Variants in GZMH observed in about 807,000 individuals in gnomAD.
GZMH encodes the protein cathepsin G-like 2, protein h-CCPX.
In GZMH, 24 loss-of-function variants were observed where a neutral mutation model predicts 20.7. The ratio of observed to expected loss-of-function variants is 1.16; its 90% CI spans 0.84 to 1.63. The LOEUF is 1.63. Ranked by LOEUF, GZMH falls within the 40% of genes most tolerant of loss-of-function variation. The pLI is 0.00. For synonymous variants in GZMH, 119 were observed against 116.1 expected (o/e 1.02, Z -0.16); for missense variants, 344 against 302.7 (o/e 1.14, Z -1.01).
Position 24,608,305 on chromosome 14 carries a change from T to C in GZMH, c.163A>G (p.Arg55Gly), listed in dbSNP as rs752228370. The C allele has an allele frequency of 7.4e-6, 12 of 1,614,160 alleles. No homozygotes were observed. In the South Asian group the frequency reaches 1.2e-4, roughly 16 times the overall value. The change falls in exon 2 of 5, where the codon AGA becomes GGA. Residue 55 changes from arginine (R) to glycine (G), a missense_variant. Coordinates refer to ENST00000216338, the MANE Select transcript of GZMH (RefSeq NM_033423.5). ...GCAGCTGTCAGCACAAAGTCCTTTC[T>C]CACTAGGATGCCGCCACACCTCTTC... ...SRKRCGGILVRKDFVLTAAHC... is the reference protein window; with the variant it reads ...SRKRCGGILVGKDFVLTAAHC...
chr14:24,609,571 C>T lies in GZMH; in HGVS notation c.43G>A (p.Gly15Arg), dbSNP rs970216589. Residue 15 changes from glycine to arginine, a missense_variant, in exon 1 of 5, where the codon GGG becomes AGG. Physicochemically the swap from Gly to Arg is moderately radical, Grantham distance 125 (BLOSUM62 -2). Transcript: ENST00000216338. The part of the protein sequence containing the change: ...LLLLAFLLTP[G>R]AGTEEIIGGH... ...GATAGTCACTTACCTGTCCCAGCCC[C>T]AGGGGTCAGAAGAAAGGCCAACAGG... 36 of 1,608,882 alleles carry T rather than the reference C, an allele frequency of 2.2e-5. No individual in the cohort carries two copies. Among genetic ancestry groups the T allele is most frequent in the Non-Finnish European group, 2.6e-5 (31 of 1,177,412 alleles).
chr14:24,608,351 C>A lies in GZMH; in HGVS notation c.117G>T (p.Gln39His), dbSNP rs779776727. 4 of 1,614,250 alleles carry A rather than the reference C, an allele frequency of 2.5e-6. No individual in the cohort carries two copies. Among genetic ancestry groups the A allele is most frequent in the Non-Finnish European group, 3.4e-6 (4 of 1,180,044 alleles). ...PHSRPYMAFV[Q>H]FLQEKSRKRC... The stretch of plus-strand genomic sequence containing the variant: ...TCTTCCGACTCTTCTCTTGCAGAAA[C>A]TGAACAAAGGCCATGTAGGGGCGGG... The change falls in exon 2 of 5, where the codon CAG becomes CAT. Residue 39 changes from glutamine to histidine, a missense_variant. By Grantham distance (24) the Gln-to-His change is conservative. Transcript: ENST00000216338.
chr14:24,607,097 C>T (rs190749747), intron 4 of GZMH, 52 bp downstream of exon 4: 3 of 1,569,632 alleles, frequency 1.9e-6, no homozygotes, highest in East Asian at 4.5e-5. Flanking sequence ...CCAGAACTCC[C>T]TCAAGTTCCT....
Position 24,607,334 on chromosome 14 carries a change from G to A in GZMH, c.412C>T (p.Pro138Ser), listed in dbSNP as rs1217340414. 1.1e-5 allele frequency: 18 copies of A among 1,612,916 alleles called. No homozygotes were observed. The Admixed American group carries it at 2.8e-4, about 25-fold the overall frequency. ...RLPSSKAQVK[P>S]GQLCSVAGWG... is the part of the protein sequence containing the mutation. The stretch of plus-strand genomic sequence containing the variant: ...CCAGCCACACTGCACAGCTGCCCTG[G>A]CTTCACCTGGGCCTTGCTGCTAGGT... The change falls in exon 4 of 5, where the codon CCA (proline) becomes TCA (serine). Residue 138 changes from proline (P) to serine (S), a missense_variant. Physicochemically the swap from Pro to Ser is moderately conservative, Grantham distance 74. Coordinates refer to ENST00000216338, the MANE Select transcript of GZMH (RefSeq NM_033423.5).
intron 1 of GZMH, among the ~76,000 whole-genome samples, chr14:24,609,000 G>A (rs1246427677): frequency 1.3e-5 from 2 of 152,248 alleles, no homozygotes; most frequent in African/African-American, 4.8e-5. Context: ...GGTCAGTGGA[G>A]TAGCTGAGGG....
chr14:24,607,526 G>C, intron 3 of GZMH, 86 bp downstream of exon 3: 1 of 1,607,588 alleles, frequency 6.2e-7, no homozygotes, highest in Non-Finnish European at 8.5e-7. Flanking sequence ...AAGAGGTCAG[G>C]ATGGAAAGGA....
At chr14:24,608,193 G>C (rs1384143330) in intron 2 of GZMH, 72 bp downstream of exon 2, 2 of 1,538,004 alleles carry the variant, frequency 1.3e-6, no homozygotes, top group Non-Finnish European at 1.8e-6. Flanking sequence ...GCTCCCCTGG[G>C]CTGCAGTCCC....
chr14:24,608,463 A>G (rs767792227), intron 1 of GZMH, 51 bp from the exon 2 acceptor site: 12 of 1,605,256 alleles, frequency 7.5e-6, no homozygotes, highest in Non-Finnish European at 1.0e-5. Context: ...TGCAGTCAGG[A>G]GAGAAGGCTT....
At position 24,609,531 on chromosome 14, in the gene GZMH, G is replaced by A. The variant is rs563002956; in HGVS notation, c.55+28C>T. The stretch of plus-strand genomic sequence containing the variant: ...CAGGGTATCTTATAAGATGGGTTCA[G>A]GCCTCTGGAATAGGGATAGTCACTT... On this transcript the variant is annotated intron_variant, in intron 1 of 4. Transcript: ENST00000216338. The A allele has an allele frequency of 3.2e-6, 5 of 1,548,388 alleles. No homozygotes were observed. The South Asian group carries it at 4.6e-5, about 14-fold the overall frequency.
chr14:24,608,425 A>C lies in GZMH; in HGVS notation c.56-13T>G. The C allele has an allele frequency of 6.2e-7, 1 of 1,613,750 alleles. No homozygotes were observed. Among genetic ancestry groups the C allele is most frequent in the Non-Finnish European group, 8.5e-7 (1 of 1,179,786 alleles). Reference sequence around the variant, plus strand: ...CCGATGATCTCCTCTGAAAGGAAAGACTGGAAGATAAAGTAGCTGGGGATG... The same window carrying C: ...CCGATGATCTCCTCTGAAAGGAAAGCCTGGAAGATAAAGTAGCTGGGGATG... On this transcript the variant is annotated splice_polypyrimidine_tract_variant and intron_variant, in intron 1 of 4. Coordinates refer to ENST00000216338, the MANE Select transcript of GZMH (RefSeq NM_033423.5).
chr14:24,609,281 T>G (rs1449784284), intron 1 of GZMH, among the ~76,000 whole-genome samples: 1 of 152,144 alleles, frequency 6.6e-6, no homozygotes, highest in Non-Finnish European at 1.5e-5. Flanking sequence ...TACTTATCTT[T>G]TTTAGCTTCA....
chr14:24,607,870 G>T, intron 2 of GZMH, 123 bp from the exon 3 acceptor site: 2 of 1,427,396 alleles, frequency 1.4e-6, no homozygotes, highest in Non-Finnish European at 1.9e-6. Context: ...GAAGGGACAG[G>T]AGGGCTCCAG....
chr14:24,607,029 G>A, intron 4 of GZMH, 120 bp downstream of exon 4: 1 of 1,059,748 alleles, frequency 9.4e-7, no homozygotes, highest in Non-Finnish European at 1.4e-6. Flanking sequence ...GATTCCAGGG[G>A]GACACAGGCT....
chr14:24,609,514 C>G, intron 1 of GZMH, 45 bp downstream of exon 1: 1 of 1,378,394 alleles, frequency 7.3e-7, no homozygotes, highest in South Asian at 1.3e-5. Context: ...TACAGGGTAT[C>G]TTATAAGATG....
chr14:24,606,566 G>T lies in GZMH; in HGVS notation c.*37C>A. 1 of 1,595,424 alleles carries T rather than the reference G, an allele frequency of 6.3e-7. No individual in the cohort carries two copies. Among genetic ancestry groups the T allele is most frequent in the South Asian group, 1.1e-5 (1 of 88,272 alleles). On this transcript the variant is annotated 3_prime_UTR_variant, in exon 5 of 5. Transcript: ENST00000216338. ...GGATTCTTGCCTCTGTCCCAGAGAT[G>T]GTCAGGCCCAGAGGAAGGTTAGTCT...
intron 1 of GZMH, 73 bp from the exon 2 acceptor site, chr14:24,608,485 G>T: frequency 6.5e-7 from 1 of 1,531,926 alleles, no homozygotes; most frequent in Non-Finnish European, 9.0e-7. Flanking sequence ...GGACGACAGT[G>T]ATTGAGGGTG....
chr14:24,606,745 C>T lies in GZMH; in HGVS notation c.599G>A (p.Gly200Glu), dbSNP rs1228703083. The T allele has an allele frequency of 3.7e-6, 6 of 1,612,708 alleles. No homozygotes were observed. In the South Asian group the frequency reaches 6.6e-5, roughly 18 times the overall value. ...DPKKTQTGFK[G>E]DSGGPLVCKD... ...ACACACGAGGGGCCCCCCGGAGTCC[C>T]CCTGTGAACAGAGAGAGGAAAGACT... The change falls in exon 5 of 5, where the codon GGG becomes GAG. Residue 200 changes from glycine to glutamate, a missense_variant and splice_region_variant. Transcript: ENST00000216338.
rs762899306 is a variant in GZMH at position 24,607,750 on chromosome 14, G to C, written c.204-3C>G. On this transcript the variant is annotated splice_region_variant and splice_polypyrimidine_tract_variant and intron_variant, in intron 2 of 4. Transcript: ENST00000216338. The stretch of plus-strand genomic sequence containing the variant: ...CCCCCAAGGTGACATTTATGGAGCT[G>C]CACAGAGAGCAGAGTGAGGATGGGG... 55 of 1,614,030 alleles carry C rather than the reference G, an allele frequency of 3.4e-5. No homozygotes were observed. Among genetic ancestry groups the C allele is most frequent in the Non-Finnish European group, 4.7e-5 (55 of 1,180,016 alleles).
intron 1 of GZMH, 27 bp downstream of exon 1, chr14:24,609,532 G>C: frequency 6.5e-7 from 1 of 1,550,112 alleles, no homozygotes. Context: ...ATGGGTTCAG[G>C]CCTCTGGAAT....
Sources: allele counts gnomAD v4.1 joint callset (sites outside exome capture counted in the v4.1 genomes callset), GRCh38; gene constraint gnomAD v4.1.1; transcripts MANE v1.5; gene names NCBI Gene and HGNC (gene_info 2026-07-23, HGNC 2026-07-21).